The following APBB2 variants were observed in gnomAD, a reference collection of about 807,000 sequenced individuals.
APBB2 encodes amyloid beta precursor protein binding family B member 2.
APBB2 carries 38 observed loss-of-function variants against 82.5 expected under a neutral mutation model. The ratio of observed to expected loss-of-function variants is 0.46; its 90% CI spans 0.36 to 0.60. The LOEUF (loss-of-function observed/expected upper bound fraction) is 0.60. Ranked by LOEUF, APBB2 falls within the 20% of genes least tolerant of loss-of-function variation. The probability of loss-of-function intolerance (pLI) is 0.00; values close to 1 mark genes in which losing one functional copy is unlikely to be tolerated. For synonymous variants in APBB2, 341 were observed against 368.2 expected, an observed-to-expected ratio of 0.93 and a Z score of 0.85; for missense variants, 772 against 972.3, an observed-to-expected ratio of 0.79 and a Z score of 2.74.
At chr4:41,166,609 C>T (rs376417990) in intron 1 of APBB2, among the ~76,000 whole-genome samples, 43 of 150,890 alleles carry the variant, frequency 2.8e-4, no homozygotes, top group Non-Finnish European at 3.0e-4. Context: ...AAAGAAAAGC[C>T]GGGTGCGGTG....
At chr4:41,077,246 G>A (rs1451211439) in intron 3 of APBB2, among the ~76,000 whole-genome samples, 1 of 148,766 alleles carries the variant, frequency 6.7e-6, no homozygotes, top group Non-Finnish European at 1.5e-5. Context: ...CCTGGGCTCA[G>A]GCAATCCTCC....
intron 10 of APBB2, among the ~76,000 whole-genome samples, chr4:40,915,029 G>A (rs1779503682): frequency 6.6e-6 from 1 of 152,186 alleles, no homozygotes; most frequent in Non-Finnish European, 1.5e-5. Flanking sequence ...AGGGAGAAGG[G>A]TTTGGGCTAA....
chr4:41,016,593 G>A (rs958419924), intron 5 of APBB2, among the ~76,000 whole-genome samples: 6 of 152,058 alleles, frequency 3.9e-5, no homozygotes, highest in Non-Finnish European at 8.8e-5. Flanking sequence ...AGAGGTTGCA[G>A]TGAGACGAGA....
intron 4 of APBB2, among the ~76,000 whole-genome samples, chr4:41,045,527 C>T (rs1312751721): frequency 1.3e-5 from 2 of 152,034 alleles, no homozygotes; most frequent in African/African-American, 2.4e-5. Context: ...CTCCTGACCT[C>T]GTGATCCACC....
intron 12 of APBB2, among the ~76,000 whole-genome samples, chr4:40,887,329 G>A (rs545850335): frequency 1.4e-3 from 207 of 152,280 alleles, no homozygotes; most frequent in African/African-American, 4.9e-3. Context: ...AAGATTTTGC[G>A]CCCTTCATGT....
At chr4:40,990,978 A>G (rs887886173) in intron 6 of APBB2, among the ~76,000 whole-genome samples, 1 of 145,858 alleles carries the variant, frequency 6.9e-6, no homozygotes, top group Non-Finnish European at 1.5e-5. Context: ...TCTGCTAACT[A>G]CATAGATTTC....
chr4:41,046,997 G>T (rs1407518436), intron 4 of APBB2, among the ~76,000 whole-genome samples: 1 of 152,230 alleles, frequency 6.6e-6, no homozygotes, highest in Non-Finnish European at 1.5e-5. Flanking sequence ...CCCCTAGCCT[G>T]CCTTGGTAGT....
chr4:41,140,403 T>C lies in APBB2; in HGVS notation c.-261+2584A>G, dbSNP rs181067730. 2.8e-3 allele frequency among the ~76,000 whole-genome samples: 428 copies of C among 152,352 alleles called. 4 individuals are homozygous for C. Among genetic ancestry groups the C allele is most frequent in the South Asian group, 5.4e-3 (26 of 4,834 alleles). ...ATCTATTTTTTAAATCTTTTTAATG[T>C]TTTTTAATGTTCCTAAGACTTAATC... On this transcript the variant is annotated intron_variant, in intron 2 of 17. Transcript: ENST00000508593.
At chr4:41,204,868 C>T (rs376535882) in intron 1 of APBB2, among the ~76,000 whole-genome samples, 2 of 152,188 alleles carry the variant, frequency 1.3e-5, no homozygotes, top group African/African-American at 4.8e-5. Flanking sequence ...TCTCTCTAGT[C>T]ACCATTCAAA....
chr4:41,136,190 C>T (rs1757512011), intron 2 of APBB2, among the ~76,000 whole-genome samples: 1 of 152,172 alleles, frequency 6.6e-6, no homozygotes, highest in Admixed American at 6.5e-5. Context: ...TTACTCTAAC[C>T]CAGCCATGCT....
intron 3 of APBB2, among the ~76,000 whole-genome samples, chr4:41,074,754 C>T (rs1268882797): frequency 6.6e-6 from 1 of 151,950 alleles, no homozygotes; most frequent in Non-Finnish European, 1.5e-5. Context: ...GGACTACAGG[C>T]ATCCGCCACC....
chr4:41,032,353 A>C (rs571830111), intron 5 of APBB2, among the ~76,000 whole-genome samples: 4 of 152,276 alleles, frequency 2.6e-5, no homozygotes, highest in Admixed American at 6.5e-5. Context: ...TGTAACTGTG[A>C]GGCTAGGGAT....
At chr4:40,934,746 A>G (rs1242609358) in intron 8 of APBB2, 47 bp from the exon 9 acceptor site, 6 of 1,337,690 alleles carry the variant, frequency 4.5e-6, no homozygotes, top group Non-Finnish European at 6.4e-6. Context: ...GGAGAAGACC[A>G]TTCATTGCCT....
intron 6 of APBB2, among the ~76,000 whole-genome samples, chr4:40,971,192 G>A (rs4425416): frequency 0.26 from 39,692 of 151,942 alleles, 5,232 homozygotes; most frequent in Middle Eastern, 0.32. Flanking sequence ...CTATTAACAC[G>A]ATTCTTTCTT....
intron 6 of APBB2, among the ~76,000 whole-genome samples, chr4:40,948,527 G>A (rs1294195111): frequency 6.6e-6 from 1 of 152,072 alleles, no homozygotes; most frequent in Non-Finnish European, 1.5e-5. Flanking sequence ...TTGGGAGGCC[G>A]AGGCGGGCAG....
intron 12 of APBB2, among the ~76,000 whole-genome samples, chr4:40,882,402 A>C (rs974262108): frequency 3.3e-5 from 5 of 152,186 alleles, no homozygotes; most frequent in African/African-American, 1.2e-4. Flanking sequence ...CAGGGCCAGG[A>C]CCTAGACTTA....
chr4:41,116,843 C>T (rs1221803827), intron 2 of APBB2, among the ~76,000 whole-genome samples: 1 of 152,022 alleles, frequency 6.6e-6, no homozygotes, highest in African/African-American at 2.4e-5. Flanking sequence ...TGGCCTTACA[C>T]CTTTCTCTCT....
intron 10 of APBB2, among the ~76,000 whole-genome samples, chr4:40,912,330 G>A (rs186433700): frequency 3.3e-5 from 5 of 152,326 alleles, no homozygotes; most frequent in Admixed American, 3.3e-4. Context: ...TGTAATCCCA[G>A]CACTTTGGGA....
intron 1 of APBB2, among the ~76,000 whole-genome samples, chr4:41,151,368 C>T (rs937600138): frequency 6.6e-6 from 1 of 152,198 alleles, no homozygotes; most frequent in African/African-American, 2.4e-5. Context: ...CCACTAGGCA[C>T]ACGTGCCTTG....
Sources: allele counts gnomAD v4.1 joint callset (sites outside exome capture counted in the v4.1 genomes callset), GRCh38; gene constraint gnomAD v4.1.1; transcripts MANE v1.5; gene names NCBI Gene and HGNC (gene_info 2026-07-23, HGNC 2026-07-21).